Variants in CBFA2T3 observed in about 807,000 individuals in gnomAD.
CBFA2T3 encodes transcriptional corepressor CBFA2T3.
A neutral mutation model predicts 58.6 loss-of-function variants in CBFA2T3; 31 were observed. The ratio of observed to expected loss-of-function variants is 0.53; its 90% CI spans 0.40 to 0.71. CBFA2T3 has a LOEUF of 0.71. CBFA2T3 is among the 30% of genes least tolerant of loss of function. The pLI is 0.00. For synonymous variants in CBFA2T3, 531 were observed against 421.9 expected (o/e 1.26, Z -3.17); for missense variants, 1,076 against 963.1 (o/e 1.12, Z -1.55).
At chr16:88,901,787 T>TC in intron 1 of CBFA2T3, 131 bp from the exon 2 acceptor site, 1 of 754,162 alleles carries the variant, frequency 1.3e-6, no homozygotes, top group East Asian at 3.4e-5. Flanking sequence ...GCCCCAGGTG[T>TC]CCTGACAGGT....
At chr16:88,960,065 A>T (rs370832139) in intron 1 of CBFA2T3, among the ~76,000 whole-genome samples, 1 of 152,182 alleles carries the variant, frequency 6.6e-6, no homozygotes, top group Non-Finnish European at 1.5e-5. Flanking sequence ...TAAATAAATC[A>T]TTAAGGTTCC....
rs536804405 is a variant in CBFA2T3, at chr16:88,886,377, G to A, written c.712-235C>T. 254 of 397,500 alleles carry A rather than the reference G, an allele frequency of 6.4e-4. 1 individual carries two copies. Among genetic ancestry groups the A allele is most frequent in the Admixed American group, 1.4e-3 (34 of 24,576 alleles). The allele number at this position is 397,500 out of a possible 1,614,324, so 24.6% of individuals were successfully genotyped here. On this transcript the variant is annotated intron_variant, in intron 5 of 11. Coordinates refer to ENST00000268679, the MANE Select transcript of CBFA2T3 (RefSeq NM_005187.6). ...GAGTGCCTCACCTGGGCCACACGGC[G>A]ATGTGGGGCATGTGGGACTTGAGCC...
intron 1 of CBFA2T3, chr16:88,957,551 A>C (rs1331323641): frequency 6.6e-6 from 1 of 152,302 alleles, no homozygotes; most frequent in Non-Finnish European, 1.5e-5. Context: ...ACCTGTCCTC[A>C]GTGTACATCT....
Position 88,885,223 on chromosome 16 carries a change from G to C in CBFA2T3, c.940C>G (p.Leu314Val). 1 of 1,589,650 alleles carries C rather than the reference G, an allele frequency of 6.3e-7. No individual in the cohort carries two copies. Among genetic ancestry groups the C allele is most frequent in the East Asian group, 2.3e-5 (1 of 44,168 alleles). Residue 314 changes from leucine to valine, a missense_variant, in exon 7 of 12, where the codon CTC becomes GTC. Physicochemically the swap from Leu to Val is conservative, Grantham distance 32. Transcript: ENST00000268679. The surrounding 1 kb of genome is among the most constrained non-coding windows in gnomAD (Gnocchi z 5.3). ...SDRDPLHPEH[L>V]SKRPCTLNPA... is the part of the protein sequence containing the mutation. ...TTCAGGGTGCATGGCCGTTTGCTGA[G>C]GTGCTCGGGGTGCAGCGGGTCGCGG... is the stretch of plus-strand genomic sequence containing the variant.
chr16:88,903,834 G>A (rs1242194087), intron 1 of CBFA2T3, among the ~76,000 whole-genome samples: 1 of 152,220 alleles, frequency 6.6e-6, no homozygotes, highest in Non-Finnish European at 1.5e-5. Context: ...CACAGGTCCA[G>A]GACACTGGGG....
In CBFA2T3 at chr16:88,875,965, GAAC is replaced by G. The variant is rs1968817427; in HGVS notation, c.*1008_*1010del. 1 of 233,150 alleles carries G rather than the reference GAAC, an allele frequency of 4.3e-6. No homozygotes were observed. Among genetic ancestry groups the G allele is most frequent in the Non-Finnish European group, 8.5e-6 (1 of 117,894 alleles). The allele number at this position is 233,150 out of a possible 1,614,324, so 14.4% of individuals were successfully genotyped here. A position where few individuals can be genotyped will look rare whatever the true frequency, so the allele number is the denominator to read the frequency against. The stretch of plus-strand genomic sequence containing the variant: ...GACGCACCAACGCCTACGCAGAAGA[GAAC>G]AAAAGTCGCTTCTAACTGGGCACAA... On this transcript the variant is annotated 3_prime_UTR_variant, in exon 12 of 12. Coordinates refer to ENST00000268679, the MANE Select transcript of CBFA2T3 (RefSeq NM_005187.6).
rs1969675569 is a variant in CBFA2T3 at position 88,892,418 on chromosome 16, G to A, written c.447C>T (p.Ser149=). ...CTGTGGACGAGGTGGCCGGGCCATT[G>A]CTGAAGCCGTTGGGTGTGCACGGTG... ...NGAPCTPNGF[S]NGPATSSTAS... is the part of the protein sequence containing the mutation. Residue 149 remains serine (S), a synonymous_variant, in exon 4 of 12, where the codon AGC becomes AGT. Coordinates refer to ENST00000268679, the MANE Select transcript of CBFA2T3 (RefSeq NM_005187.6). 1 of 1,613,554 alleles carries A rather than the reference G, an allele frequency of 6.2e-7. No homozygotes were observed. Among genetic ancestry groups the A allele is most frequent in the Non-Finnish European group, 8.5e-7 (1 of 1,180,026 alleles).
chr16:88,891,641 G>A (rs1211222482), intron 5 of CBFA2T3, among the ~76,000 whole-genome samples: 2 of 152,338 alleles, frequency 1.3e-5, no homozygotes, highest in Admixed American at 6.5e-5. Context: ...CATCCGGTCT[G>A]GCAACTAATT....
chr16:88,915,271 C>G (rs1466530128), intron 1 of CBFA2T3, among the ~76,000 whole-genome samples: 41 of 18,640 alleles, frequency 2.2e-3, no homozygotes, highest in Middle Eastern at 0.024. Flanking sequence ...GGGTGGGTCG[C>G]GGGGTGGGGA....
chr16:88,951,276 G>C (rs192045041), intron 1 of CBFA2T3: 2 of 450,008 alleles, frequency 4.4e-6, no homozygotes, highest in Non-Finnish European at 8.9e-6. Context: ...CTGTTCACCC[G>C]TCCCCTGGAC....
intron 1 of CBFA2T3, among the ~76,000 whole-genome samples, chr16:88,925,762 T>G (rs1381167726): frequency 6.6e-6 from 1 of 152,212 alleles, no homozygotes; most frequent in Non-Finnish European, 1.5e-5. Context: ...GATGGCAATG[T>G]GCTTTCCCGG....
At position 88,916,309 on chromosome 16, in the gene CBFA2T3, C is replaced by T. The variant is rs190935455; in HGVS notation, c.152-14653G>A. On this transcript the variant is annotated intron_variant, in intron 1 of 11. Coordinates refer to ENST00000268679, the MANE Select transcript of CBFA2T3 (RefSeq NM_005187.6). ...ACTTACATATACATGTGGGTGTATG[C>T]GTGTGTATTCATGCGTGTATTCATG... is the stretch of plus-strand genomic sequence containing the variant. Among the ~76,000 whole-genome samples the T allele has an allele frequency of 6.6e-3, 762 of 116,072 alleles. 5 individuals carry two copies. The highest frequency in any genetic ancestry group is 0.02 in the African/African-American group (642 of 31,400). 76.1% of individuals were successfully genotyped at this position (116,072 alleles called of 152,430 possible).
At chr16:88,896,532 C>T (rs563361753) in intron 3 of CBFA2T3, among the ~76,000 whole-genome samples, 135 of 152,308 alleles carry the variant, frequency 8.9e-4, no homozygotes, top group Non-Finnish European at 1.4e-3. Flanking sequence ...AGGACCCCAC[C>T]GCGCTGCCGA....
At chr16:88,912,591 T>C (rs1970565156) in intron 1 of CBFA2T3, among the ~76,000 whole-genome samples, 2 of 152,136 alleles carry the variant, frequency 1.3e-5, no homozygotes, top group Non-Finnish European at 2.9e-5. Flanking sequence ...CTCCAGCCAC[T>C]CGTCAATGTC....
intron 1 of CBFA2T3, among the ~76,000 whole-genome samples, chr16:88,922,912 C>T (rs555161595): frequency 6.6e-6 from 1 of 152,352 alleles, no homozygotes; most frequent in East Asian, 1.9e-4. Context: ...ACCTCTCACT[C>T]TTCCCACCGT....
chr16:88,928,907 G>C (rs1425539659), intron 1 of CBFA2T3, among the ~76,000 whole-genome samples: 1 of 152,308 alleles, frequency 6.6e-6, no homozygotes, highest in East Asian at 1.9e-4. Flanking sequence ...GGCCAGCAGC[G>C]CAAAGGCCCT....
At chr16:88,884,275 G>C (rs1295322723) in intron 7 of CBFA2T3, 1 of 152,292 alleles carries the variant, frequency 6.6e-6, no homozygotes, top group East Asian at 1.9e-4. Context: ...CCTGCTGCTG[G>C]GCCCCCACCG....
At chr16:88,922,052 T>A (rs1421370966) in intron 1 of CBFA2T3, among the ~76,000 whole-genome samples, 1 of 152,208 alleles carries the variant, frequency 6.6e-6, no homozygotes, top group African/African-American at 2.4e-5. Flanking sequence ...GGGCTCTGAT[T>A]TCAGGGCTGG....
At chr16:88,879,650 A>G (rs1023738956) in intron 10 of CBFA2T3, 190 bp from the exon 11 acceptor site, 2 of 570,976 alleles carry the variant, frequency 3.5e-6, no homozygotes, top group Admixed American at 6.1e-5. Context: ...GTGCACACAC[A>G]GACACACGTT....
Sources: gnomAD v4.1 joint callset for allele counts (sites outside exome capture counted in the v4.1 genomes callset) on GRCh38, gnomAD v4.1.1 for gene constraint, Gnocchi (gnomAD v3.1) non-coding constraint, MANE v1.5 for transcripts, NCBI Gene and HGNC (gene_info 2026-07-23, HGNC 2026-07-21) for gene names.